The following TAPT1 variants were observed in gnomAD, a reference collection of about 807,000 sequenced individuals.
TAPT1 encodes the protein transmembrane anterior posterior transformation 1.
A neutral mutation model predicts 65.6 loss-of-function variants in TAPT1; 28 were observed. That is an observed-to-expected ratio of 0.43 (90% CI 0.32 to 0.59). TAPT1 has a LOEUF of 0.59. TAPT1 is among the 20% of genes least tolerant of loss of function. TAPT1 has a pLI of 0.09. For synonymous variants in TAPT1, 278 were observed against 245.2 expected (o/e 1.13, Z -1.25); for missense variants, 563 against 679.9 (o/e 0.83, Z 1.91).
chr4:16,173,547 TA>T (rs61072350), intron 11 of TAPT1, among the ~76,000 whole-genome samples: 5 of 149,586 alleles, frequency 3.3e-5, no homozygotes, highest in Admixed American at 6.7e-5. Context: ...GCCTCCCGAG[TA>T]AAAAAAAAAT....
chr4:16,201,028 G>A (rs1430156233), intron 3 of TAPT1, among the ~76,000 whole-genome samples: 2 of 152,138 alleles, frequency 1.3e-5, no homozygotes, highest in Non-Finnish European at 2.9e-5. Flanking sequence ...CTGTTATCCT[G>A]GAAGGCAAGT....
intron 13 of TAPT1, 26 bp downstream of exon 13, chr4:16,166,607 G>A (rs996229460): frequency 1.9e-6 from 3 of 1,608,148 alleles, no homozygotes; most frequent in Middle Eastern, 1.7e-4. Context: ...ATGATCCAGG[G>A]AAGTGAAGAA....
At chr4:16,222,964 C>T (rs1751341930) in intron 1 of TAPT1, among the ~76,000 whole-genome samples, 1 of 152,202 alleles carries the variant, frequency 6.6e-6, no homozygotes, top group African/African-American at 2.4e-5. Flanking sequence ...CCCCATGCAT[C>T]TCCAACACCT....
At chr4:16,190,699 G>A (rs1306179140) in intron 4 of TAPT1, 2 of 154,792 alleles carry the variant, frequency 1.3e-5, no homozygotes, top group African/African-American at 4.8e-5. Flanking sequence ...TAAAAAACTT[G>A]TGAATATCTG....
intron 3 of TAPT1, among the ~76,000 whole-genome samples, chr4:16,193,086 C>A (rs1749471242): frequency 6.6e-6 from 1 of 152,172 alleles, no homozygotes; most frequent in Non-Finnish European, 1.5e-5. Flanking sequence ...CTACAATGTG[C>A]ACTGTATGAT....
At position 16,177,432 on chromosome 4, in the gene TAPT1, T is replaced by C. The variant is rs570395859; in HGVS notation, c.998-1204A>G. ...GACCCACAGCAACTCAAGACTCAGGTAGCCGGAAGGTGGGATGGAGATGAC... is the reference window on the plus strand; with the variant it reads ...GACCCACAGCAACTCAAGACTCAGGCAGCCGGAAGGTGGGATGGAGATGAC... On this transcript the variant is annotated intron_variant, in intron 8 of 13. Coordinates refer to ENST00000405303, the MANE Select transcript of TAPT1 (RefSeq NM_153365.3). 1.6e-4 allele frequency among the ~76,000 whole-genome samples: 25 copies of C among 152,262 alleles called. No individual in the cohort carries two copies. The East Asian group carries it at 2.7e-3, about 16-fold the overall frequency.
At chr4:16,189,435 G>C (rs181168272) in intron 4 of TAPT1, among the ~76,000 whole-genome samples, 5 of 152,210 alleles carry the variant, frequency 3.3e-5, no homozygotes, top group African/African-American at 9.6e-5. Flanking sequence ...TGCAGCAAGT[G>C]CCAACTAAAG....
Position 16,166,643 on chromosome 4 carries a change from T to TTTA in TAPT1, c.1461_1463dup (p.Cys487_Lys488insAsn), listed in dbSNP as rs1159134821. 6.2e-7 allele frequency: 1 copy of TTTA among 1,613,778 alleles called. No individual in the cohort carries two copies. The highest frequency in any genetic ancestry group is 2.2e-5 in the East Asian group (1 of 44,874). ...AGGGACCAAACCTACCTTGAGAGGG[T>TTTA]TTACATTTGTTCTGTGATTTACTGG... On this transcript the variant is annotated inframe_insertion, in exon 13 of 14. Coordinates refer to ENST00000405303, the MANE Select transcript of TAPT1 (RefSeq NM_153365.3).
chr4:16,173,010 G>A (rs1748105484), intron 11 of TAPT1, among the ~76,000 whole-genome samples: 1 of 152,044 alleles, frequency 6.6e-6, no homozygotes, highest in African/African-American at 2.4e-5. Flanking sequence ...TTTTAGTAGA[G>A]ATGGGGTTTC....
intron 5 of TAPT1, among the ~76,000 whole-genome samples, chr4:16,187,814 T>C (rs138614047): frequency 6.6e-6 from 1 of 152,294 alleles, no homozygotes; most frequent in East Asian, 1.9e-4. Flanking sequence ...AATTTCACAT[T>C]ACACTTTTAG....
intron 3 of TAPT1, among the ~76,000 whole-genome samples, chr4:16,201,834 G>A (rs540522219): frequency 4.2e-4 from 64 of 152,294 alleles, no homozygotes; most frequent in Non-Finnish European, 8.8e-5. Context: ...TGATGGGGAA[G>A]CACACTTAGA....
Position 16,163,075 on chromosome 4 carries a change from G to GT in TAPT1, c.*232dup. 1.7e-6 allele frequency: 1 copy of GT among 601,876 alleles called. No homozygotes were observed. Among genetic ancestry groups the GT allele is most frequent in the Non-Finnish European group, 3.1e-6 (1 of 321,308 alleles). 37.3% of individuals were successfully genotyped at this position (601,876 alleles called of 1,614,324 possible). On this transcript the variant is annotated 3_prime_UTR_variant, in exon 14 of 14. Coordinates refer to ENST00000405303, the MANE Select transcript of TAPT1 (RefSeq NM_153365.3). Reference sequence around the variant, plus strand: ...CTGCTGCTTGGCCAGGCAGGAGGAAGTTTTATAATCCATCAAGCTTCCCAG... The same window carrying GT: ...CTGCTGCTTGGCCAGGCAGGAGGAAGTTTTTATAATCCATCAAGCTTCCCAG...
In TAPT1 at chr4:16,174,280, G is replaced by C. The variant is rs1748187763; in HGVS notation, c.1168-8C>G. The C allele has an allele frequency of 6.3e-7, 1 of 1,597,026 alleles. No homozygotes were observed. The highest frequency in any genetic ancestry group is 1.7e-5 in the Admixed American group (1 of 57,498). ...ACTGTAATCAGTGTATGCCTGAACA[G>C]AGAAAGAAGCAAAAGATTCAGATTT... On this transcript the variant is annotated splice_region_variant and splice_polypyrimidine_tract_variant and intron_variant, in intron 10 of 13. Coordinates refer to ENST00000405303, the MANE Select transcript of TAPT1 (RefSeq NM_153365.3).
rs573432593 is a variant in TAPT1 at position 16,219,836 on chromosome 4, G to A, written c.200-5938C>T. Among the ~76,000 whole-genome samples the A allele has an allele frequency of 1.2e-4, 18 of 152,310 alleles. No homozygotes were observed. In the East Asian group the frequency reaches 3.3e-3, roughly 28 times the overall value. On this transcript the variant is annotated intron_variant, in intron 1 of 13. Transcript: ENST00000405303. ...GTTGAGAGACTTGTCCAAAGTCATT[G>A]AAAAGCTAAGTGACAAATTGGGAAT...
intron 3 of TAPT1, 129 bp downstream of exon 3, chr4:16,202,333 A>G (rs973264260): frequency 4.1e-6 from 2 of 487,334 alleles, no homozygotes; most frequent in Admixed American, 7.6e-5. Flanking sequence ...TTAAAAAGGT[A>G]AACAGTTTAT....
intron 7 of TAPT1, among the ~76,000 whole-genome samples, chr4:16,185,359 G>T: frequency 6.6e-6 from 1 of 151,348 alleles, no homozygotes; most frequent in East Asian, 1.9e-4. Context: ...AAGTCCTTTG[G>T]AATCATCGTA....
rs1038943483 is a variant in TAPT1, at chr4:16,201,281, G to A, written c.449+1181C>T. Among the ~76,000 whole-genome samples, 13 of 151,914 alleles carry A rather than the reference G, an allele frequency of 8.6e-5. No homozygotes were observed. The East Asian group carries it at 2.3e-3, about 27-fold the overall frequency. On this transcript the variant is annotated intron_variant, in intron 3 of 13. Transcript: ENST00000405303. ...CTACTTTAAAAAAGAACCTTTCATG[G>A]CTTCAGTCTTTTAAAAAAACAAACC...
intron 10 of TAPT1, 97 bp from the exon 11 acceptor site, chr4:16,174,369 T>G: frequency 9.1e-7 from 1 of 1,101,092 alleles, no homozygotes; most frequent in Non-Finnish European, 1.3e-6. Context: ...TCTAAACAGG[T>G]GAGGCTATGG....
intron 7 of TAPT1, among the ~76,000 whole-genome samples, chr4:16,179,902 T>A (rs1328086318): frequency 1.3e-5 from 2 of 152,084 alleles, no homozygotes; most frequent in Non-Finnish European, 2.9e-5. Flanking sequence ...AAATTCCAGT[T>A]TTCTATAAAC....
Sources: gnomAD v4.1 joint callset for allele counts (sites outside exome capture counted in the v4.1 genomes callset) on GRCh38, gnomAD v4.1.1 for gene constraint, MANE v1.5 for transcripts, NCBI Gene and HGNC (gene_info 2026-07-23, HGNC 2026-07-21) for gene names.